Variants in CDH13 observed in about 807,000 individuals in gnomAD.
The protein encoded by CDH13 is cadherin-13.
Under a neutral mutation model 63.8 loss-of-function variants are expected in CDH13, and 24 were observed. The ratio of observed to expected loss-of-function variants is 0.38; its 90% CI spans 0.27 to 0.53. CDH13 has a LOEUF of 0.53. Among genes scored for constraint, CDH13 ranks in the 20% least tolerant of loss-of-function variants. The probability of loss-of-function intolerance (pLI) is 0.85; values close to 1 mark genes in which losing one functional copy is unlikely to be tolerated. For synonymous variants in CDH13, 503 were observed against 355.3 expected, an observed-to-expected ratio of 1.42 and a Z score of -4.67; for missense variants, 1,049 against 903.1, an observed-to-expected ratio of 1.16 and a Z score of -2.07.
At chr16:82,703,247 T>G (rs1307618810) in intron 1 of CDH13, among the ~76,000 whole-genome samples, 1 of 152,102 alleles carries the variant, frequency 6.6e-6, no homozygotes, top group African/African-American at 2.4e-5. Context: ...ATAAGGTGTA[T>G]GTAACACACT....
At chr16:83,026,444 T>C (rs1915808160) in intron 2 of CDH13, among the ~76,000 whole-genome samples, 1 of 152,200 alleles carries the variant, frequency 6.6e-6, no homozygotes, top group African/African-American at 2.4e-5. Flanking sequence ...AGACTGTGCA[T>C]TCTCATTGGG....
At chr16:82,770,564 C>T (rs1242342455) in intron 1 of CDH13, among the ~76,000 whole-genome samples, 1 of 152,184 alleles carries the variant, frequency 6.6e-6, no homozygotes, top group Non-Finnish European at 1.5e-5. Context: ...CATATTCAAT[C>T]ATTATGCTTT....
rs534529591 is a variant in CDH13 at position 83,169,994 on chromosome 16, C to G, written c.483+44493C>G. 2.2e-4 allele frequency among the ~76,000 whole-genome samples: 33 copies of G among 152,196 alleles called. No individual in the cohort carries two copies. The South Asian group carries it at 5.8e-3, about 27-fold the overall frequency. On this transcript the variant is annotated intron_variant, in intron 4 of 13. Transcript: ENST00000567109. Reference sequence around the variant, plus strand: ...AGTCCCATTTCAAGTTTTTACCCTTCAAATTAATTTTCCTTCCAAATGTTA... The same window carrying G: ...AGTCCCATTTCAAGTTTTTACCCTTGAAATTAATTTTCCTTCCAAATGTTA...
chr16:83,147,756 A>G (rs948912772), intron 4 of CDH13, among the ~76,000 whole-genome samples: 4 of 151,832 alleles, frequency 2.6e-5, no homozygotes, highest in Admixed American at 1.3e-4. Context: ...TTGTTTGTCC[A>G]CCTGAGTATC....
At chr16:82,884,970 C>T (rs2040832152) in intron 2 of CDH13, among the ~76,000 whole-genome samples, 1 of 152,136 alleles carries the variant, frequency 6.6e-6, no homozygotes, top group African/African-American at 2.4e-5. Context: ...TGCACATTTC[C>T]TCTTAGTTGG....
At chr16:83,681,700 G>A (rs1915421582) in intron 10 of CDH13, among the ~76,000 whole-genome samples, 1 of 152,212 alleles carries the variant, frequency 6.6e-6, no homozygotes, top group South Asian at 2.1e-4. Context: ...GGGAAAAAGA[G>A]GCTCATTAAT....
At chr16:82,691,391 A>C (rs1223282510) in intron 1 of CDH13, among the ~76,000 whole-genome samples, 1 of 152,168 alleles carries the variant, frequency 6.6e-6, no homozygotes, top group African/African-American at 2.4e-5. Flanking sequence ...ATCCATACCC[A>C]GGAAAAATCT....
chr16:83,398,936 T>C (rs925384372), intron 6 of CDH13, among the ~76,000 whole-genome samples: 10 of 152,256 alleles, frequency 6.6e-5, no homozygotes, highest in Non-Finnish European at 1.5e-4. Context: ...GGAAGCAATT[T>C]GGAAATAGTC....
chr16:83,159,471 C>G (rs1274326195), intron 4 of CDH13, among the ~76,000 whole-genome samples: 2 of 152,160 alleles, frequency 1.3e-5, no homozygotes, highest in Non-Finnish European at 2.9e-5. Flanking sequence ...TTTTGTAACA[C>G]TGAGCTAAAG....
chr16:82,983,617 A>C (rs1174813021), intron 2 of CDH13, among the ~76,000 whole-genome samples: 1 of 152,236 alleles, frequency 6.6e-6, no homozygotes, highest in Non-Finnish European at 1.5e-5. Context: ...TCTGTGAGAC[A>C]GGGCTGCTGT....
intron 2 of CDH13, among the ~76,000 whole-genome samples, chr16:83,000,003 C>T (rs1912689477): frequency 6.6e-6 from 1 of 152,028 alleles, no homozygotes; most frequent in South Asian, 2.1e-4. Context: ...AAACATCTTG[C>T]AATGCTTAAG....
intron 1 of CDH13, among the ~76,000 whole-genome samples, chr16:82,661,825 T>C (rs1414927817): frequency 6.6e-6 from 1 of 152,260 alleles, no homozygotes; most frequent in Non-Finnish European, 1.5e-5. Flanking sequence ...GACTATGTAA[T>C]GGACACAATT....
At chr16:82,714,435 C>T (rs1465349512) in intron 1 of CDH13, among the ~76,000 whole-genome samples, 4 of 151,928 alleles carry the variant, frequency 2.6e-5, no homozygotes, top group South Asian at 2.1e-4. Context: ...AAAAGAGGGT[C>T]GGGCATGGTG....
At chr16:82,815,009 T>TG (rs1393947302) in intron 1 of CDH13, among the ~76,000 whole-genome samples, 9 of 152,128 alleles carry the variant, frequency 5.9e-5, no homozygotes, top group Admixed American at 5.9e-4. Context: ...TAAAACATTT[T>TG]GTTTTTTTTT....
chr16:83,112,478 T>G (rs116382782), intron 3 of CDH13, among the ~76,000 whole-genome samples: 1 of 152,226 alleles, frequency 6.6e-6, no homozygotes, highest in Admixed American at 6.5e-5. Context: ...TTTTTCTATT[T>G]GGAGGGCTTA....
intron 3 of CDH13, among the ~76,000 whole-genome samples, chr16:83,113,538 C>T (rs189824608): frequency 3.9e-4 from 60 of 152,358 alleles, no homozygotes; most frequent in South Asian, 8.3e-4. Context: ...TCTGCCCTTA[C>T]GGAGCTGGGA....
chr16:83,584,009 C>A (rs1384478830), intron 7 of CDH13, among the ~76,000 whole-genome samples: 1 of 151,892 alleles, frequency 6.6e-6, no homozygotes, highest in Non-Finnish European at 1.5e-5. Flanking sequence ...TTCACTATGC[C>A]ATAAGTGAGC....
chr16:83,447,902 T>A (rs553549031), intron 6 of CDH13, among the ~76,000 whole-genome samples: 1 of 152,122 alleles, frequency 6.6e-6, no homozygotes, highest in South Asian at 2.1e-4. Context: ...TGTGATTCAC[T>A]CTGTGGTCTG....
rs764787435 is a variant in CDH13 at position 83,795,414 on chromosome 16, C to G, written c.*384C>G. The G allele has an allele frequency of 1.0e-5, 2 of 200,052 alleles. No individual in the cohort carries two copies. Among genetic ancestry groups the G allele is most frequent in the Non-Finnish European group, 2.1e-5 (2 of 97,108 alleles). 12.4% of individuals were successfully genotyped at this position (200,052 alleles called of 1,614,324 possible). A position where few individuals can be genotyped will look rare whatever the true frequency, so the allele number is the denominator to read the frequency against. Reference sequence around the variant, plus strand: ...GTATGAGTATCTGTATGTATATATACACGGTATTTATAGAGAGAGACTATC... The same window carrying G: ...GTATGAGTATCTGTATGTATATATAGACGGTATTTATAGAGAGAGACTATC... On this transcript the variant is annotated 3_prime_UTR_variant, in exon 14 of 14. Coordinates refer to ENST00000567109, the MANE Select transcript of CDH13 (RefSeq NM_001257.5).
Sources: allele counts gnomAD v4.1 joint callset (sites outside exome capture counted in the v4.1 genomes callset), GRCh38; gene constraint gnomAD v4.1.1; transcripts MANE v1.5; gene names NCBI Gene and HGNC (gene_info 2026-07-23, HGNC 2026-07-21).